Variants in GLIS3 observed in about 807,000 individuals in gnomAD.
The protein encoded by GLIS3 is zinc finger protein GLIS3.
Under a neutral mutation model 78.6 loss-of-function variants are expected in GLIS3, and 53 were observed. The observed-to-expected ratio is 0.67, with a 90% confidence interval of 0.54 to 0.85. The LOEUF is 0.85. GLIS3 is among the 40% of genes least tolerant of loss of function. The pLI, the probability that GLIS3 is intolerant of heterozygous loss-of-function variation, is 0.00. For missense variants in GLIS3, 1,703 were observed against 1,231.1 expected, an observed-to-expected ratio of 1.38 and a Z score of -5.74; for synonymous variants, 684 against 509.9, an observed-to-expected ratio of 1.34 and a Z score of -4.60.
intron 2 of GLIS3, among the ~76,000 whole-genome samples, chr9:4,343,341 CAACAAAACAA>C (rs1022003118): frequency 6.6e-6 from 1 of 152,054 alleles, no homozygotes; most frequent in East Asian, 1.9e-4. Context: ...GCACCTGTCT[CAACAAAACAA>C]AACAAAACAA....
chr9:3,894,176 C>T (rs1822657741), intron 7 of GLIS3, among the ~76,000 whole-genome samples: 2 of 152,210 alleles, frequency 1.3e-5, no homozygotes, highest in Non-Finnish European at 2.9e-5. Context: ...GAATTCCAAA[C>T]AAAGCAGTGC....
the GLIS3 span, among the ~76,000 whole-genome samples, chr9:4,389,008 T>C: frequency 6.6e-6 from 1 of 152,108 alleles, no homozygotes; most frequent in African/African-American, 2.4e-5. Context: ...AAGGGGATTC[T>C]ATATACAAAA....
chr9:4,110,514 G>A (rs561320230), intron 4 of GLIS3, among the ~76,000 whole-genome samples: 9 of 152,212 alleles, frequency 5.9e-5, no homozygotes, highest in Non-Finnish European at 1.0e-4. Flanking sequence ...ATACTGTGCC[G>A]TGAAATAAAA....
intron 2 of GLIS3, among the ~76,000 whole-genome samples, chr9:4,313,909 A>C (rs953074892): frequency 2.0e-5 from 3 of 152,260 alleles, no homozygotes; most frequent in African/African-American, 7.2e-5. Context: ...CTTGGGCCTC[A>C]ATATTTGTTA....
In GLIS3 at chr9:4,270,276, T is replaced by C. The variant is rs542155335; in HGVS notation, c.388+15762A>G. ...CTATATTTTGCCTAATTTTCTAGTA[T>C]ATCTTAAAAGAGGAAAGCCCAGACA... On this transcript the variant is annotated intron_variant, in intron 2 of 10. Coordinates refer to ENST00000381971, the MANE Select transcript of GLIS3 (RefSeq NM_001042413.2). Among the ~76,000 whole-genome samples the C allele has an allele frequency of 2.3e-4, 35 of 152,334 alleles. 1 individual carries two copies. The highest frequency in any genetic ancestry group is 7.2e-4 in the African/African-American group (30 of 41,574).
chr9:3,874,699 C>G (rs7030132), intron 8 of GLIS3, among the ~76,000 whole-genome samples: 149,703 of 152,334 alleles, frequency 0.98, 73,611 homozygotes, highest in Middle Eastern at 1. Context: ...GTCTACTGCA[C>G]AATTGACTGC....
intron 8 of GLIS3, among the ~76,000 whole-genome samples, chr9:3,872,119 C>G (rs1588127710): frequency 6.6e-6 from 1 of 152,324 alleles, no homozygotes; most frequent in Middle Eastern, 3.4e-3. Flanking sequence ...TAACAAGAGT[C>G]ACCTTTGCTC....
At chr9:4,458,131 C>A in the GLIS3 span, among the ~76,000 whole-genome samples, 2 of 152,078 alleles carry the variant, frequency 1.3e-5, no homozygotes, top group African/African-American at 4.8e-5. Context: ...CCTACCTGAT[C>A]TCTGCCCTCC....
intron 2 of GLIS3, among the ~76,000 whole-genome samples, chr9:4,211,729 G>C (rs1188335137): frequency 3.3e-5 from 5 of 152,204 alleles, no homozygotes; most frequent in Middle Eastern, 3.2e-3. Flanking sequence ...AATGTTCATA[G>C]CAGCACTGTT....
chr9:4,024,642 G>C (rs879402722), intron 4 of GLIS3, among the ~76,000 whole-genome samples: 6 of 152,180 alleles, frequency 3.9e-5, no homozygotes, highest in African/African-American at 9.7e-5. Context: ...CATGGGAGGA[G>C]GTCTGCTCTT....
At chr9:3,962,957 G>T (rs929707076) in intron 4 of GLIS3, among the ~76,000 whole-genome samples, 2 of 150,710 alleles carry the variant, frequency 1.3e-5, no homozygotes, top group Admixed American at 6.6e-5. Flanking sequence ...GGGGGGGGGG[G>T]GGAGAGAGAT....
intron 4 of GLIS3, among the ~76,000 whole-genome samples, chr9:3,965,183 C>CTTTTA (rs1817839410): frequency 8.0e-6 from 1 of 125,364 alleles, no homozygotes; most frequent in Non-Finnish European, 1.6e-5. Flanking sequence ...CTATTTCTTT[C>CTTTTA]TTTTCTTTTC....
chr9:4,459,744 G>A, the GLIS3 span, among the ~76,000 whole-genome samples: 2 of 152,186 alleles, frequency 1.3e-5, no homozygotes, highest in East Asian at 3.9e-4. Flanking sequence ...TGCAGCCCAT[G>A]GCTGCAGTCA....
intron 6 of GLIS3, among the ~76,000 whole-genome samples, chr9:3,906,927 C>T (rs1230344779): frequency 1.3e-5 from 2 of 152,164 alleles, no homozygotes; most frequent in Non-Finnish European, 2.9e-5. Flanking sequence ...ATTCTTCCTG[C>T]CCGGAACGGA....
chr9:4,196,628 C>T (rs995280379), intron 2 of GLIS3, among the ~76,000 whole-genome samples: 2 of 152,138 alleles, frequency 1.3e-5, no homozygotes, highest in Non-Finnish European at 2.9e-5. Context: ...AGCTTCACTC[C>T]TGAAGCCAGT....
At chr9:4,414,534 T>C in the GLIS3 span, among the ~76,000 whole-genome samples, 1 of 152,198 alleles carries the variant, frequency 6.6e-6, no homozygotes, top group Non-Finnish European at 1.5e-5. Flanking sequence ...AGATTATACC[T>C]ATATAATGCT....
chr9:4,144,538 T>C (rs1422000824), intron 2 of GLIS3, among the ~76,000 whole-genome samples: 1 of 152,180 alleles, frequency 6.6e-6, no homozygotes, highest in East Asian at 1.9e-4. Flanking sequence ...CTCATTGGAC[T>C]CTACATGCCA....
At chr9:4,045,207 C>T (rs187474084) in intron 4 of GLIS3, among the ~76,000 whole-genome samples, 6 of 152,256 alleles carry the variant, frequency 3.9e-5, no homozygotes, top group East Asian at 3.9e-4. Context: ...GCATCCTTAT[C>T]GTAAGCCCTA....
At chr9:4,287,714 C>G (rs1416406925) in intron 1 of GLIS3, among the ~76,000 whole-genome samples, 2 of 152,156 alleles carry the variant, frequency 1.3e-5, no homozygotes, top group Non-Finnish European at 2.9e-5. Context: ...TTCAACTCAA[C>G]TTCCAAATAA....
Sources: allele counts gnomAD v4.1 joint callset (sites outside exome capture counted in the v4.1 genomes callset), GRCh38; gene constraint gnomAD v4.1.1; transcripts MANE v1.5; gene names NCBI Gene and HGNC (gene_info 2026-07-23, HGNC 2026-07-21).